The following TMTC1 variants were observed in gnomAD, a reference collection of about 807,000 sequenced individuals.
The protein encoded by TMTC1 is protein O-mannosyl-transferase TMTC1.
A neutral mutation model predicts 104.8 loss-of-function variants in TMTC1; 73 were observed. That is an observed-to-expected ratio of 0.70 (90% CI 0.58 to 0.85). The LOEUF (loss-of-function observed/expected upper bound fraction) is 0.85. Among genes scored for constraint, TMTC1 ranks in the 40% least tolerant of loss-of-function variants. The pLI is 0.00. For missense variants in TMTC1, 1,035 were observed against 1,096.1 expected (o/e 0.94, Z 0.79); for synonymous variants, 434 against 428.7 (o/e 1.01, Z -0.15).
chr12:29,657,161 A>G (rs571903853), intron 5 of TMTC1, among the ~76,000 whole-genome samples: 1 of 152,358 alleles, frequency 6.6e-6, no homozygotes, highest in East Asian at 1.9e-4. Context: ...TGAACGCTCA[A>G]ATTCAGGAGA....
At chr12:29,643,352 T>C (rs1227937217) in intron 5 of TMTC1, among the ~76,000 whole-genome samples, 1 of 136,686 alleles carries the variant, frequency 7.3e-6, no homozygotes, top group African/African-American at 2.8e-5. Context: ...TGCATGTTTA[T>C]AGCAGCACAA....
At chr12:29,644,041 AATTT>A (rs1196350146) in intron 5 of TMTC1, among the ~76,000 whole-genome samples, 42 of 105,390 alleles carry the variant, frequency 4.0e-4, no homozygotes, top group Admixed American at 9.9e-4. Context: ...ATAAATATAT[AATTT>A]ATATATAAAT....
intron 7 of TMTC1, among the ~76,000 whole-genome samples, chr12:29,594,210 C>G (rs147110022): frequency 2.0e-5 from 3 of 152,340 alleles, no homozygotes; most frequent in African/African-American, 4.8e-5. Context: ...GGAAAACCAC[C>G]TTCTCTACTC....
rs913982432 is a variant in TMTC1, at chr12:29,601,626, T to C, written c.1250+2552A>G. ...TATAGTCTGGAAGGTAAGAGATCTGTAGTAGACAGGGATGTGTTTTCCAGC... is the reference window on the plus strand; with the variant it reads ...TATAGTCTGGAAGGTAAGAGATCTGCAGTAGACAGGGATGTGTTTTCCAGC... On this transcript the variant is annotated intron_variant, in intron 7 of 17. Transcript: ENST00000539277. Among the ~76,000 whole-genome samples the C allele has an allele frequency of 3.8e-4, 49 of 128,258 alleles. 1 individual carries two copies. The highest frequency in any genetic ancestry group is 3.4e-3 in the Admixed American group (46 of 13,338). 84.1% of individuals were successfully genotyped at this position (128,258 alleles called of 152,430 possible). A position where few individuals can be genotyped will look rare whatever the true frequency, so the allele number is the denominator to read the frequency against.
intron 6 of TMTC1, among the ~76,000 whole-genome samples, chr12:29,632,369 A>G (rs10843453): frequency 0.1 from 15,862 of 152,044 alleles, 1,397 homozygotes; most frequent in East Asian, 0.52. Context: ...CATAATCCCC[A>G]TGTGTTGTGG....
At chr12:29,546,438 T>A (rs1944944164) in intron 10 of TMTC1, among the ~76,000 whole-genome samples, 1 of 151,882 alleles carries the variant, frequency 6.6e-6, no homozygotes, top group South Asian at 2.1e-4. Flanking sequence ...TGCTAAGGAG[T>A]CACCAAGAAG....
chr12:29,705,105 C>T (rs1941704131), intron 5 of TMTC1, among the ~76,000 whole-genome samples: 1 of 152,106 alleles, frequency 6.6e-6, no homozygotes, highest in Non-Finnish European at 1.5e-5. Context: ...GGCATGAGCA[C>T]CAGGCTGATG....
At chr12:29,522,817 C>A (rs1401194755) in intron 11 of TMTC1, among the ~76,000 whole-genome samples, 2 of 152,156 alleles carry the variant, frequency 1.3e-5, no homozygotes, top group Non-Finnish European at 2.9e-5. Flanking sequence ...CACCATGTGC[C>A]CCAACTGTAA....
chr12:29,737,069 T>C (rs1444895261), intron 5 of TMTC1, among the ~76,000 whole-genome samples: 1 of 152,244 alleles, frequency 6.6e-6, no homozygotes, highest in Admixed American at 6.5e-5. Context: ...TGCTTACAGA[T>C]GAAATGTGAC....
At chr12:29,635,836 C>A (rs1353796628) in intron 5 of TMTC1, among the ~76,000 whole-genome samples, 1 of 152,068 alleles carries the variant, frequency 6.6e-6, no homozygotes, top group Non-Finnish European at 1.5e-5. Context: ...TAAACAAGTA[C>A]GTTGTAATTA....
At chr12:29,668,978 T>G (rs1940399227) in intron 5 of TMTC1, among the ~76,000 whole-genome samples, 1 of 152,142 alleles carries the variant, frequency 6.6e-6, no homozygotes, top group Non-Finnish European at 1.5e-5. Flanking sequence ...TCAGAAATTC[T>G]AAGTGAGAAA....
At chr12:29,743,419 T>C (rs954085841) in intron 5 of TMTC1, among the ~76,000 whole-genome samples, 2 of 152,210 alleles carry the variant, frequency 1.3e-5, no homozygotes, top group Admixed American at 1.3e-4. Flanking sequence ...ATCATCATGC[T>C]TGCTTCTGAA....
At chr12:29,642,949 A>C (rs1336032823) in intron 5 of TMTC1, among the ~76,000 whole-genome samples, 2 of 148,192 alleles carry the variant, frequency 1.3e-5, no homozygotes, top group African/African-American at 5.0e-5. Context: ...CCAAACAAAC[A>C]AACAAACAAA....
chr12:29,669,684 C>T (rs1382002796), intron 5 of TMTC1, among the ~76,000 whole-genome samples: 1 of 152,156 alleles, frequency 6.6e-6, no homozygotes, highest in Non-Finnish European at 1.5e-5. Flanking sequence ...TATGTTTCTA[C>T]TATAATCTTT....
Position 29,597,225 on chromosome 12 carries a change from C to T in TMTC1, c.1250+6953G>A, listed in dbSNP as rs1358487658. 1.1e-4 allele frequency among the ~76,000 whole-genome samples: 15 copies of T among 141,668 alleles called. No individual in the cohort carries two copies. The South Asian group carries it at 1.1e-3, about 11-fold the overall frequency. The allele number at this position is 141,668 out of a possible 152,430, so 92.9% of individuals were successfully genotyped here. Reference sequence around the variant, plus strand: ...TTTCTTTTCTTTTCTTTTTCTTTTTCTTTCTTTCTTTTCTTTCTTTTTTTT... The same window carrying T: ...TTTCTTTTCTTTTCTTTTTCTTTTTTTTTCTTTCTTTTCTTTCTTTTTTTT... On this transcript the variant is annotated intron_variant, in intron 7 of 17. Coordinates refer to ENST00000539277, the MANE Select transcript of TMTC1 (RefSeq NM_001193451.2).
At chr12:29,669,587 G>C (rs1415921370) in intron 5 of TMTC1, among the ~76,000 whole-genome samples, 4 of 152,170 alleles carry the variant, frequency 2.6e-5, no homozygotes, top group Non-Finnish European at 4.4e-5. Flanking sequence ...AGAGGTTCTC[G>C]TTCAAGTAGA....
At chr12:29,713,174 CTT>C (rs1358667916) in intron 5 of TMTC1, among the ~76,000 whole-genome samples, 2 of 151,932 alleles carry the variant, frequency 1.3e-5, no homozygotes. Context: ...ACCCTTGAGA[CTT>C]AGGATTACAA....
At chr12:29,721,646 T>A (rs1176459746) in intron 5 of TMTC1, among the ~76,000 whole-genome samples, 1 of 151,996 alleles carries the variant, frequency 6.6e-6, no homozygotes, top group Non-Finnish European at 1.5e-5. Flanking sequence ...ATCAAAAAGA[T>A]CAATAACAAC....
chr12:29,548,191 A>G (rs527536260), intron 10 of TMTC1, among the ~76,000 whole-genome samples: 8 of 152,346 alleles, frequency 5.3e-5, no homozygotes, highest in African/African-American at 1.9e-4. Flanking sequence ...CTGTGGTAAT[A>G]GAAGAGGAGA....
Sources: gnomAD v4.1 joint callset for allele counts (sites outside exome capture counted in the v4.1 genomes callset) on GRCh38, gnomAD v4.1.1 for gene constraint, MANE v1.5 for transcripts, NCBI Gene and HGNC (gene_info 2026-07-23, HGNC 2026-07-21) for gene names.